Variants in SCML4 observed in about 807,000 individuals in gnomAD.
The protein encoded by SCML4 is Scm polycomb group protein like 4.
Under a neutral mutation model 41.1 loss-of-function variants are expected in SCML4, and 34 were observed. The ratio of observed to expected loss-of-function variants is 0.83; its 90% CI spans 0.63 to 1.10. The LOEUF is 1.10. SCML4 is among the 50% of genes least tolerant of loss of function. SCML4 has a pLI of 0.00. For synonymous variants in SCML4, 214 were observed against 220.9 expected (o/e 0.97, Z 0.28); for missense variants, 522 against 534.1 (o/e 0.98, Z 0.22).
upstream of SCML4, among the ~76,000 whole-genome samples, chr6:107,826,306 A>AAG (rs1785259941): frequency 6.6e-6 from 1 of 151,658 alleles, no homozygotes; most frequent in Admixed American, 6.7e-5. Context: ...AAGAAAAGAA[A>AAG]AAGAAGAAAA....
At chr6:107,719,775 T>C (rs1657598958) in intron 6 of SCML4, 1 of 358,940 alleles carries the variant, frequency 2.8e-6, no homozygotes, top group Non-Finnish European at 3.9e-6. Flanking sequence ...GAAGCACAGG[T>C]AAGTTAAGAC....
chr6:107,828,291 C>A (rs1288141555), upstream of SCML4, among the ~76,000 whole-genome samples: 3 of 152,190 alleles, frequency 2.0e-5, no homozygotes, highest in African/African-American at 7.2e-5. Context: ...TGGGTGAAAT[C>A]ATTGACTTTC....
intron 1 of SCML4, among the ~76,000 whole-genome samples, chr6:107,787,664 CT>C (rs1782006370): frequency 6.6e-6 from 1 of 152,126 alleles, no homozygotes; most frequent in African/African-American, 2.4e-5. Context: ...ACATACTTTG[CT>C]AATAAAAATT....
upstream of SCML4, among the ~76,000 whole-genome samples, chr6:107,828,914 T>C (rs1242983236): frequency 6.6e-6 from 1 of 152,070 alleles, no homozygotes; most frequent in East Asian, 1.9e-4. Context: ...TTCTGTGTAG[T>C]GAAGATAAAC....
chr6:107,808,511 A>G (rs1302772621), intron 1 of SCML4, among the ~76,000 whole-genome samples: 1 of 151,992 alleles, frequency 6.6e-6, no homozygotes, highest in Non-Finnish European at 1.5e-5. Context: ...GCCTCAAGTG[A>G]TCCTCCCACC....
intron 1 of SCML4, among the ~76,000 whole-genome samples, chr6:107,809,436 G>T (rs1340822302): frequency 6.6e-6 from 1 of 152,230 alleles, no homozygotes; most frequent in East Asian, 1.9e-4. Flanking sequence ...GAGAAGCAGG[G>T]CAGGAGGCCA....
intron 5 of SCML4, among the ~76,000 whole-genome samples, chr6:107,728,707 T>C (rs912534530): frequency 1.3e-5 from 2 of 152,180 alleles, no homozygotes; most frequent in East Asian, 1.9e-4. Flanking sequence ...TCCAAATGAA[T>C]TATCAGAAGG....
At chr6:107,836,762 A>G in the SCML4 span, among the ~76,000 whole-genome samples, 2 of 152,214 alleles carry the variant, frequency 1.3e-5, no homozygotes, top group Non-Finnish European at 2.9e-5. Context: ...ATTTCTCAAA[A>G]AAAAAGAAAA....
intron 2 of SCML4, among the ~76,000 whole-genome samples, chr6:107,768,393 C>A (rs1483645458): frequency 6.6e-6 from 1 of 152,228 alleles, no homozygotes; most frequent in Non-Finnish European, 1.5e-5. Context: ...CCGAATGACA[C>A]AATTACCAAC....
At chr6:107,773,277 T>A (rs999676537) in intron 1 of SCML4, among the ~76,000 whole-genome samples, 1 of 152,164 alleles carries the variant, frequency 6.6e-6, no homozygotes, top group African/African-American at 2.4e-5. Flanking sequence ...AATCTTAGCA[T>A]GGCACTAAAA....
chr6:107,792,111 C>A (rs77663728), intron 1 of SCML4, among the ~76,000 whole-genome samples: 1 of 152,024 alleles, frequency 6.6e-6, no homozygotes, highest in Non-Finnish European at 1.5e-5. Context: ...TAAAATTTCC[C>A]GAGATTATTT....
At chr6:107,735,507 A>G (rs1412016395) in intron 5 of SCML4, among the ~76,000 whole-genome samples, 1 of 151,940 alleles carries the variant, frequency 6.6e-6, no homozygotes, top group Admixed American at 6.6e-5. Flanking sequence ...CACATATCAC[A>G]TAAAGTCATG....
intron 7 of SCML4, 32 bp from the exon 8 acceptor site, chr6:107,705,357 C>T: frequency 1.3e-6 from 2 of 1,549,052 alleles, no homozygotes; most frequent in Non-Finnish European, 1.7e-6. Flanking sequence ...AAAGATAAAC[C>T]CAGAAGATGG....
intron 1 of SCML4, among the ~76,000 whole-genome samples, chr6:107,805,192 A>G (rs1783633282): frequency 6.6e-6 from 1 of 152,164 alleles, no homozygotes; most frequent in Non-Finnish European, 1.5e-5. Flanking sequence ...GTGGCTGTCA[A>G]GGGTGGTGCC....
chr6:107,731,579 T>C (rs1776552852), intron 5 of SCML4, among the ~76,000 whole-genome samples: 1 of 152,188 alleles, frequency 6.6e-6, no homozygotes. Context: ...TCCTCCAGAC[T>C]GGGAGCCCTG....
the SCML4 span, among the ~76,000 whole-genome samples, chr6:107,838,039 T>C: frequency 6.6e-6 from 1 of 151,838 alleles, no homozygotes; most frequent in African/African-American, 2.4e-5. Flanking sequence ...TCCTGAGTAC[T>C]TGGGATTACA....
At chr6:107,775,548 T>G (rs752794269) in intron 1 of SCML4, among the ~76,000 whole-genome samples, 2 of 152,254 alleles carry the variant, frequency 1.3e-5, no homozygotes, top group Non-Finnish European at 2.9e-5. Context: ...GTTCTTCATA[T>G]AGATTTCATA....
At chr6:107,778,977 A>G (rs564818827) in intron 1 of SCML4, among the ~76,000 whole-genome samples, 42 of 152,142 alleles carry the variant, frequency 2.8e-4, no homozygotes, top group Middle Eastern at 3.4e-3. Flanking sequence ...TCAGGAGATC[A>G]AGACCATCCT....
At chr6:107,742,741 A>T (rs879810223) in intron 5 of SCML4, among the ~76,000 whole-genome samples, 2 of 152,212 alleles carry the variant, frequency 1.3e-5, no homozygotes, top group Non-Finnish European at 2.9e-5. Flanking sequence ...TTTCTCCCAG[A>T]CAAACAAAAG....
Sources: allele counts gnomAD v4.1 joint callset (sites outside exome capture counted in the v4.1 genomes callset), GRCh38; gene constraint gnomAD v4.1.1; transcripts MANE v1.5; gene names NCBI Gene and HGNC (gene_info 2026-07-23, HGNC 2026-07-21).